FAT3: variants seen among roughly 807,000 people sequenced by gnomAD.
The protein encoded by FAT3 is FAT atypical cadherin 3.
A neutral mutation model predicts 310.2 loss-of-function variants in FAT3; 95 were observed. That is an observed-to-expected ratio of 0.31 (90% CI 0.26 to 0.36). The LOEUF (loss-of-function observed/expected upper bound fraction) is 0.36. Ranked by LOEUF, FAT3 falls within the 10% of genes least tolerant of loss-of-function variation. The pLI is 1.00. For missense variants in FAT3, 5,408 were observed against 5,715.6 expected (o/e 0.95, Z 1.74); for synonymous variants, 2,314 against 2,192.9 (o/e 1.06, Z -1.54).
At chr11:92,577,250 A>G (rs188601792) in intron 3 of FAT3, among the ~76,000 whole-genome samples, 2 of 151,836 alleles carry the variant, frequency 1.3e-5, no homozygotes, top group African/African-American at 4.8e-5. Flanking sequence ...CTGGGATTAC[A>G]GGCGGTCGCC....
intron 2 of FAT3, among the ~76,000 whole-genome samples, chr11:92,512,417 T>G (rs998630326): frequency 1.3e-4 from 20 of 151,014 alleles, no homozygotes; most frequent in African/African-American, 4.4e-4. Context: ...AGCAGATTGA[T>G]TGTTTCAAAA....
chr11:92,709,002 C>T (rs184274721), intron 4 of FAT3, among the ~76,000 whole-genome samples: 57 of 152,256 alleles, frequency 3.7e-4, no homozygotes, highest in African/African-American at 1.3e-3. Flanking sequence ...AACCAGTATC[C>T]AATAGGTAGA....
intron 4 of FAT3, among the ~76,000 whole-genome samples, chr11:92,751,842 A>G (rs1228600314): frequency 6.6e-6 from 1 of 152,164 alleles, no homozygotes; most frequent in East Asian, 1.9e-4. Flanking sequence ...ACTTGGGCGC[A>G]AACCCGTGTT....
chr11:92,518,622 G>T (rs1007878047), intron 2 of FAT3, among the ~76,000 whole-genome samples: 2 of 151,672 alleles, frequency 1.3e-5, no homozygotes, highest in South Asian at 2.1e-4. Flanking sequence ...TAACAAACCT[G>T]CACGTTTTGC....
intron 2 of FAT3, among the ~76,000 whole-genome samples, chr11:92,469,754 A>G (rs1951861404): frequency 6.6e-6 from 1 of 151,992 alleles, no homozygotes. Flanking sequence ...TGACCTCATG[A>G]TCTGCCCACC....
Position 92,798,818 on chromosome 11 carries a change from C to T in FAT3, c.5805C>T (p.Asn1935=). ...GSLDHFLIDS[N]SGVLTIKNNN... is the part of the protein sequence containing the mutation. The stretch of plus-strand genomic sequence containing the variant: ...TGGATCATTTTTTAATTGACTCAAA[C>T]AGTGGAGTACTTACCATAAAAAACA... The change falls in exon 10 of 28, where the codon AAC becomes AAT. Residue 1935 remains asparagine, a synonymous_variant. Coordinates refer to ENST00000525166, the MANE Select transcript of FAT3 (RefSeq NM_001367949.2). 6.2e-7 allele frequency: 1 copy of T among 1,613,894 alleles called. No homozygotes were observed. Among genetic ancestry groups the T allele is most frequent in the South Asian group, 1.1e-5 (1 of 91,080 alleles).
chr11:92,826,134 C>T (rs1216754215), intron 13 of FAT3, among the ~76,000 whole-genome samples: 1 of 152,152 alleles, frequency 6.6e-6, no homozygotes, highest in Non-Finnish European at 1.5e-5. Context: ...ATGGAAGTGT[C>T]ATAGCCTGTG....
chr11:92,348,499 G>A (rs1948474127), intron 1 of FAT3, among the ~76,000 whole-genome samples: 1 of 152,076 alleles, frequency 6.6e-6, no homozygotes. Context: ...TCCCCTTAGG[G>A]CACTTTAATG....
chr11:92,844,423 C>T lies in FAT3; in HGVS notation c.11056C>T (p.Arg3686Cys), dbSNP rs746407129. ...AVLTQKQDSL[R>C]IISIQPVAGT... ...CCTCACCCAGAAGCAGGACAGCCTG[C>T]GCATCATCAGCATCCAGCCCGTGGC... Residue 3686 changes from arginine (R) to cysteine (C), a missense_variant, in exon 19 of 28, where the codon CGC becomes TGC. Coordinates refer to ENST00000525166, the MANE Select transcript of FAT3 (RefSeq NM_001367949.2). The T allele has an allele frequency of 3.1e-6, 5 of 1,613,936 alleles. No homozygotes were observed. The highest frequency in any genetic ancestry group is 2.2e-5 in the South Asian group (2 of 91,078).
rs67529435 is a variant in FAT3, at chr11:92,387,063, AGTGTGTGTGTGTGTGT to A, written c.3292+31692_3292+31707del. ...GCAATGCCCAAGGATTATGGGAGCTAGTGTGTGTGTGTGTGTGTGTGTGTGTGTGTGTGTGTGTGTG... is the reference window on the plus strand; with the variant it reads ...GCAATGCCCAAGGATTATGGGAGCTAGTGTGTGTGTGTGTGTGTGTGTGTG... On this transcript the variant is annotated intron_variant, in intron 2 of 27. Coordinates refer to ENST00000525166, the MANE Select transcript of FAT3 (RefSeq NM_001367949.2). 7.3e-3 allele frequency among the ~76,000 whole-genome samples: 1,048 copies of A among 144,244 alleles called. 25 individuals carry two copies. The East Asian group carries it at 0.078, about 11-fold the overall frequency. 94.6% of individuals were successfully genotyped at this position (144,244 alleles called of 152,430 possible).
intron 3 of FAT3, among the ~76,000 whole-genome samples, chr11:92,640,269 C>A (rs1273658078): frequency 6.6e-6 from 1 of 152,086 alleles, no homozygotes; most frequent in Non-Finnish European, 1.5e-5. Context: ...AGCTGTGGGA[C>A]AGGAGCCTCT....
chr11:92,820,866 T>C (rs1176630160), intron 13 of FAT3, among the ~76,000 whole-genome samples: 3 of 152,364 alleles, frequency 2.0e-5, no homozygotes, highest in African/African-American at 7.2e-5. Flanking sequence ...TCTTCAAGTC[T>C]ATCCACACAT....
rs1386954313 is a variant in FAT3, at chr11:92,553,753, CTCTCTCTT to C, written c.3607+28817_3607+28824del. The stretch of plus-strand genomic sequence containing the variant: ...GTTGTTTCTTTCTTTCTCCCTTTCT[CTCTCTCTT>C]TCTCTCTTTCTTTCTCCTTCCTTCC... On this transcript the variant is annotated intron_variant, in intron 3 of 27. Coordinates refer to ENST00000525166, the MANE Select transcript of FAT3 (RefSeq NM_001367949.2). Among the ~76,000 whole-genome samples the C allele has an allele frequency of 1.5e-3, 182 of 119,706 alleles. 1 individual carries two copies. The highest frequency in any genetic ancestry group is 5.0e-3 in the African/African-American group (171 of 33,928). The allele number at this position is 119,706 out of a possible 152,430, so 78.5% of individuals were successfully genotyped here. A position where few individuals can be genotyped will look rare whatever the true frequency, so the allele number is the denominator to read the frequency against.
chr11:92,830,088 C>T (rs889428274), intron 13 of FAT3, among the ~76,000 whole-genome samples: 2 of 152,174 alleles, frequency 1.3e-5, no homozygotes, highest in East Asian at 1.9e-4. Context: ...GTTGTCATAA[C>T]TAAAGACCTC....
intron 2 of FAT3, among the ~76,000 whole-genome samples, chr11:92,417,179 T>A (rs897827427): frequency 1.3e-5 from 2 of 152,252 alleles, no homozygotes; most frequent in African/African-American, 4.8e-5. Flanking sequence ...GTGGTTCATT[T>A]CCTATTTTAA....
intron 2 of FAT3, among the ~76,000 whole-genome samples, chr11:92,368,549 T>C (rs945704175): frequency 3.3e-5 from 5 of 152,186 alleles, no homozygotes; most frequent in African/African-American, 1.2e-4. Flanking sequence ...TCATTTTGTC[T>C]CTGTATGCAA....
intron 1 of FAT3, among the ~76,000 whole-genome samples, chr11:92,272,116 T>C (rs919660959): frequency 1.3e-5 from 2 of 152,110 alleles, no homozygotes; most frequent in Admixed American, 6.6e-5. Context: ...AAACTCTCTA[T>C]TATTGATGTT....
intron 4 of FAT3, among the ~76,000 whole-genome samples, chr11:92,726,181 G>A (rs1158382227): frequency 2.0e-5 from 3 of 151,984 alleles, no homozygotes; most frequent in African/African-American, 7.2e-5. Context: ...ACTATAAGAT[G>A]GAATTGTTTA....
At chr11:92,593,366 A>G (rs1208721446) in intron 3 of FAT3, among the ~76,000 whole-genome samples, 2 of 151,880 alleles carry the variant, frequency 1.3e-5, no homozygotes, top group Non-Finnish European at 1.5e-5. Flanking sequence ...AGGAATTACC[A>G]TATTTTTTTC....
Sources: allele counts gnomAD v4.1 joint callset (sites outside exome capture counted in the v4.1 genomes callset), GRCh38; gene constraint gnomAD v4.1.1; transcripts MANE v1.5; gene names NCBI Gene and HGNC (gene_info 2026-07-23, HGNC 2026-07-21).